STK3: variants seen among roughly 807,000 people sequenced by gnomAD.
The protein encoded by STK3 is serine/threonine kinase 3, also known as serine/threonine-protein kinase 3.
STK3 carries 41 observed loss-of-function variants against 58.0 expected under a neutral mutation model. The ratio of observed to expected loss-of-function variants is 0.71; its 90% CI spans 0.55 to 0.92. The LOEUF (loss-of-function observed/expected upper bound fraction) is 0.92. Among genes scored for constraint, STK3 ranks in the 40% least tolerant of loss-of-function variants. The pLI is 0.00. For missense variants in STK3, 479 were observed against 602.7 expected (o/e 0.79, Z 2.15); for synonymous variants, 170 against 191.0 (o/e 0.89, Z 0.91).
At chr8:98,409,209 TA>T (rs1818029354) in intron 3 of STK3, among the ~76,000 whole-genome samples, 1 of 152,186 alleles carries the variant, frequency 6.6e-6, no homozygotes, top group South Asian at 2.1e-4. Context: ...TTGGAGCATC[TA>T]AATTCACCAG....
intron 3 of STK3, among the ~76,000 whole-genome samples, chr8:98,852,744 T>A (rs1267333055): frequency 1.3e-5 from 2 of 152,248 alleles, no homozygotes; most frequent in Admixed American, 1.3e-4. Flanking sequence ...TCTCATGTTA[T>A]CCACAGAATC....
At chr8:98,893,480 AAGAAAG>A (rs1838308138) in intron 1 of STK3, among the ~76,000 whole-genome samples, 2,273 of 66,656 alleles carry the variant, frequency 0.034, 12 homozygotes, top group African/African-American at 0.048. Context: ...GAAAGAAAGA[AAGAAAG>A]AGAAAGAAAG....
At chr8:98,462,125 T>C (rs566512237) in intron 10 of STK3, among the ~76,000 whole-genome samples, 3 of 152,334 alleles carry the variant, frequency 2.0e-5, no homozygotes, top group Non-Finnish European at 4.4e-5. Context: ...AAATGTACAA[T>C]TAAGTTATTA....
intron 1 of STK3, among the ~76,000 whole-genome samples, chr8:98,382,286 C>T (rs758276366): frequency 3.9e-5 from 6 of 152,210 alleles, no homozygotes; most frequent in Non-Finnish European, 7.3e-5. Flanking sequence ...GCTCCATTTG[C>T]CTATTTTTGG....
In STK3 at chr8:98,926,951, A is replaced by G. The variant is rs576515584; in HGVS notation, c.-79+15427T>C. Among the ~76,000 whole-genome samples the G allele has an allele frequency of 1.2e-4, 19 of 152,294 alleles. 1 individual carries two copies. The South Asian group carries it at 2.9e-3, about 23-fold the overall frequency. On this transcript the variant is annotated intron_variant, in intron 1 of 1. Transcript: ENST00000519420. ...TGGTGACAGTGAGAACTGCAGGGGC[A>G]TGGGGCCCGAATGCAGACTAGGCTG...
At chr8:98,869,803 C>CT (rs11416782) in intron 3 of STK3, among the ~76,000 whole-genome samples, 137,126 of 148,510 alleles carry the variant, frequency 0.92, 63,332 homozygotes, top group East Asian at 1. Context: ...AGAAGATTTT[C>CT]TTTTTTTTTT....
chr8:98,769,209 T>A (rs540062945), intron 2 of STK3, among the ~76,000 whole-genome samples: 1 of 152,330 alleles, frequency 6.6e-6, no homozygotes, highest in South Asian at 2.1e-4. Context: ...AAGATGAGAA[T>A]CTTGAATTAG....
At chr8:98,815,855 T>C (rs544266539) in intron 1 of STK3, among the ~76,000 whole-genome samples, 2 of 152,270 alleles carry the variant, frequency 1.3e-5, no homozygotes, top group South Asian at 2.1e-4. Flanking sequence ...AATTAATAAA[T>C]GAAAGCAAAA....
intron 4 of STK3, among the ~76,000 whole-genome samples, chr8:98,748,956 G>C (rs1829802357): frequency 6.6e-6 from 1 of 151,232 alleles, no homozygotes; most frequent in African/African-American, 2.4e-5. Flanking sequence ...TAAAATTCTA[G>C]CCATAATTTA....
At chr8:98,938,785 G>A (rs547565583) in intron 1 of STK3, among the ~76,000 whole-genome samples, 2 of 152,334 alleles carry the variant, frequency 1.3e-5, no homozygotes, top group Admixed American at 1.3e-4. Flanking sequence ...TGTGTGTCAA[G>A]ATGTGTGTGG....
rs886840495 is a variant in STK3 at position 98,428,195 on chromosome 8, C to T, written n.483+5932G>A. 20 of 1,613,986 alleles carry T rather than the reference C, an allele frequency of 1.2e-5. No individual in the cohort carries two copies. Among genetic ancestry groups the T allele is most frequent in the Non-Finnish European group, 1.4e-5 (17 of 1,180,028 alleles). Reference sequence around the variant, plus strand: ...ACGTCCAGCGGGAGTTCTACTTCGACCGCAACCCTGAGCTCTTCCCCTACG... The same window carrying T: ...ACGTCCAGCGGGAGTTCTACTTCGATCGCAACCCTGAGCTCTTCCCCTACG... On this transcript the variant is annotated intron_variant and non_coding_transcript_variant, in intron 3 of 3. Transcript: ENST00000517832. This position sits in a 1 kb window ranked among gnomAD's most constrained non-coding sequence, Gnocchi z 6.7.
At chr8:98,445,771 CCT>C (rs1309646187) in intron 1 of STK3, among the ~76,000 whole-genome samples, 1 of 152,204 alleles carries the variant, frequency 6.6e-6, no homozygotes, top group African/African-American at 2.4e-5. Context: ...TCTCTACCTA[CCT>C]CTCTCTGCCC....
chr8:98,561,092 T>A (rs1299035851), intron 8 of STK3, among the ~76,000 whole-genome samples: 1 of 152,016 alleles, frequency 6.6e-6, no homozygotes, highest in Non-Finnish European at 1.5e-5. Context: ...ATCTTAAAAC[T>A]TCTATAACAC....
chr8:98,409,906 G>C (rs1030072046), intron 3 of STK3, among the ~76,000 whole-genome samples: 9 of 152,186 alleles, frequency 5.9e-5, no homozygotes, highest in African/African-American at 1.7e-4. Context: ...CAGCCGGAGA[G>C]TGCCATGTGC....
chr8:98,774,447 G>A (rs1314419701), intron 2 of STK3, among the ~76,000 whole-genome samples: 1 of 152,018 alleles, frequency 6.6e-6, no homozygotes, highest in Non-Finnish European at 1.5e-5. Context: ...ACCTTCAAAC[G>A]TATTAATAAG....
At chr8:98,875,624 C>A (rs1445622808) in intron 3 of STK3, 2 of 152,188 alleles carry the variant, frequency 1.3e-5, no homozygotes, top group Non-Finnish European at 2.9e-5. Context: ...TTTCAGAACA[C>A]AATGCCTAGG....
exon 3 of STK3, chr8:98,434,236 C>A (rs1426772158): frequency 2.0e-5 from 3 of 152,240 alleles, no homozygotes; most frequent in Non-Finnish European, 4.4e-5. Flanking sequence ...GAAGGACGCA[C>A]AGCACTGCTC....
At chr8:98,723,112 G>T in intron 4 of STK3, 2 of 211,738 alleles carry the variant, frequency 9.4e-6, no homozygotes, top group South Asian at 6.0e-5. Flanking sequence ...CTATACAAAT[G>T]GTGCGATGTC....
At chr8:98,792,446 C>T (rs1340017864) in intron 1 of STK3, among the ~76,000 whole-genome samples, 6 of 152,110 alleles carry the variant, frequency 3.9e-5, no homozygotes, top group African/African-American at 1.2e-4. Context: ...CCTGTGATCC[C>T]GACACTTTGG....
Sources: gnomAD v4.1 joint callset for allele counts (sites outside exome capture counted in the v4.1 genomes callset) on GRCh38, gnomAD v4.1.1 for gene constraint, Gnocchi (gnomAD v3.1) non-coding constraint, MANE v1.5 for transcripts, NCBI Gene and HGNC (gene_info 2026-07-23, HGNC 2026-07-21) for gene names.